SUSD6: variants seen among roughly 807,000 people sequenced by gnomAD.
SUSD6 encodes the protein sushi domain containing 6.
In SUSD6, 16 loss-of-function variants were observed where a neutral mutation model predicts 28.4. That is an observed-to-expected ratio of 0.56 (90% CI 0.38 to 0.86). SUSD6 has a LOEUF of 0.86. Ranked by LOEUF, SUSD6 falls within the 40% of genes least tolerant of loss-of-function variation. The probability of loss-of-function intolerance (pLI) is 0.00; values close to 1 mark genes in which losing one functional copy is unlikely to be tolerated. For missense variants in SUSD6, 341 were observed against 384.2 expected, an observed-to-expected ratio of 0.89 and a Z score of 0.94; for synonymous variants, 147 against 159.6, an observed-to-expected ratio of 0.92 and a Z score of 0.59.
At chr14:69,665,557 A>G (rs1885728030) in intron 2 of SUSD6, among the ~76,000 whole-genome samples, 1 of 152,176 alleles carries the variant, frequency 6.6e-6, no homozygotes, top group Non-Finnish European at 1.5e-5. Context: ...CTGACTGACT[A>G]TAACTTTTTA....
At chr14:69,705,932 A>C (rs1886381109) in intron 4 of SUSD6, among the ~76,000 whole-genome samples, 1 of 152,170 alleles carries the variant, frequency 6.6e-6, no homozygotes, top group African/African-American at 2.4e-5. Context: ...GCAGTTCCTC[A>C]TTCCCTCTTG....
chr14:69,678,220 T>C (rs1393452465), intron 2 of SUSD6, among the ~76,000 whole-genome samples: 2 of 151,926 alleles, frequency 1.3e-5, no homozygotes, highest in African/African-American at 2.4e-5. Flanking sequence ...CTTTTTTCAC[T>C]CAAGATTTCT....
chr14:69,667,846 G>A lies in SUSD6; in HGVS notation c.121+9133G>A, dbSNP rs74060262. On this transcript the variant is annotated intron_variant, in intron 2 of 5. Transcript: ENST00000342745. ...GTTTTGCTCTTTGTTTTTGATTCTT[G>A]TTCTTTGTTCTTGATTCCATATGTG... 3.1e-3 allele frequency among the ~76,000 whole-genome samples: 467 copies of A among 152,130 alleles called. 3 individuals are homozygous for A. Among genetic ancestry groups the A allele is most frequent in the African/African-American group, 0.011 (449 of 41,498 alleles).
intron 2 of SUSD6, among the ~76,000 whole-genome samples, chr14:69,691,945 AGGAGAATTGCTTGAACCCGGGAGGC>A (rs934710272): frequency 6.6e-6 from 1 of 151,592 alleles, no homozygotes; most frequent in Non-Finnish European, 1.5e-5. Flanking sequence ...AGGCTGAGGC[AGGAGAATTGCTTGAACCCGGGAGGC>A]GGAGGTTGCA....
intron 2 of SUSD6, among the ~76,000 whole-genome samples, chr14:69,663,340 T>A (rs1039558903): frequency 6.6e-6 from 1 of 152,220 alleles, no homozygotes. Flanking sequence ...TAAAACAATT[T>A]TAGAATAGCA....
chr14:69,672,475 C>T (rs775811009), intron 2 of SUSD6, among the ~76,000 whole-genome samples: 9 of 152,182 alleles, frequency 5.9e-5, no homozygotes, highest in Non-Finnish European at 8.8e-5. Context: ...AGAAGAGCAG[C>T]TTTGGGGCAA....
chr14:69,690,037 A>G (rs1438335717), intron 2 of SUSD6, among the ~76,000 whole-genome samples: 3 of 152,272 alleles, frequency 2.0e-5, no homozygotes, highest in South Asian at 4.2e-4. Flanking sequence ...GATTAAAGGT[A>G]TTTTCTGTAC....
At chr14:69,617,447 C>G (rs1487103386) in intron 1 of SUSD6, 1 of 151,926 alleles carries the variant, frequency 6.6e-6, no homozygotes, top group Non-Finnish European at 1.5e-5. Context: ...AGAAAAGGTG[C>G]CACCAAAAAA....
chr14:69,641,846 C>T (rs1325023286), intron 1 of SUSD6, among the ~76,000 whole-genome samples: 1 of 152,064 alleles, frequency 6.6e-6, no homozygotes, highest in Non-Finnish European at 1.5e-5. Context: ...ATCAAGAGAT[C>T]CTCCTGCCTT....
chr14:69,709,223 T>G, intron 5 of SUSD6, 119 bp downstream of exon 5: 1 of 929,674 alleles, frequency 1.1e-6, no homozygotes, highest in Non-Finnish European at 1.6e-6. Flanking sequence ...AGATAGTACC[T>G]GGGGTATTTG....
At chr14:69,646,962 A>G (rs1368479458) in intron 1 of SUSD6, among the ~76,000 whole-genome samples, 1 of 152,250 alleles carries the variant, frequency 6.6e-6, no homozygotes, top group South Asian at 2.1e-4. Flanking sequence ...TGGCTTCCCA[A>G]AGTGCTCGGA....
At chr14:69,684,678 C>T (rs875424) in intron 2 of SUSD6, among the ~76,000 whole-genome samples, 72,231 of 152,166 alleles carry the variant, frequency 0.47, 20,085 homozygotes, top group East Asian at 0.69. Context: ...TCTGTAGCCC[C>T]GTGAATGAGC....
chr14:69,686,141 A>T (rs141465812), intron 2 of SUSD6, among the ~76,000 whole-genome samples: 1 of 152,390 alleles, frequency 6.6e-6, no homozygotes, highest in Non-Finnish European at 1.5e-5. Context: ...ATGTGCCAGA[A>T]GTAAGAAATC....
chr14:69,633,691 T>C (rs1334638225), intron 1 of SUSD6, among the ~76,000 whole-genome samples: 2 of 152,258 alleles, frequency 1.3e-5, no homozygotes, highest in Admixed American at 1.3e-4. Context: ...TGCACCCATG[T>C]AGAATACTGA....
chr14:69,619,494 C>T (rs1885004820), intron 1 of SUSD6, among the ~76,000 whole-genome samples: 1 of 151,996 alleles, frequency 6.6e-6, no homozygotes, highest in African/African-American at 2.4e-5. Flanking sequence ...GGTACGGTGG[C>T]TCACACCTGT....
chr14:69,703,225 C>G (rs1396184285), intron 2 of SUSD6, among the ~76,000 whole-genome samples, 170 bp from the exon 3 acceptor site: 1 of 152,190 alleles, frequency 6.6e-6, no homozygotes, highest in African/African-American at 2.4e-5. Context: ...TATACTTCCC[C>G]TCTGTCAGTG....
At chr14:69,676,872 T>C (rs1375208894) in intron 2 of SUSD6, among the ~76,000 whole-genome samples, 2 of 152,370 alleles carry the variant, frequency 1.3e-5, no homozygotes, top group African/African-American at 4.8e-5. Flanking sequence ...ATAGATTTCA[T>C]TTGTTCCTTT....
rs113901815 is a variant in SUSD6, at chr14:69,698,727, C to T, written c.122-4668C>T. 4.6e-3 allele frequency among the ~76,000 whole-genome samples: 704 copies of T among 152,250 alleles called. 5 individuals carry two copies. The highest frequency in any genetic ancestry group is 0.016 in the African/African-American group (680 of 41,552). ...TGGAAGTATCAGCTAGATCATTTTG[C>T]GTCTCATCTGCATTGTTACCAGGGT... On this transcript the variant is annotated intron_variant, in intron 2 of 5. Coordinates refer to ENST00000342745, the MANE Select transcript of SUSD6 (RefSeq NM_014734.4).
intron 2 of SUSD6, among the ~76,000 whole-genome samples, chr14:69,674,788 C>T (rs1401047025): frequency 6.6e-6 from 1 of 152,134 alleles, no homozygotes; most frequent in Non-Finnish European, 1.5e-5. Flanking sequence ...TTTTCAGCCT[C>T]TATCTGAAGG....
Sources: gnomAD v4.1 joint callset for allele counts (sites outside exome capture counted in the v4.1 genomes callset) on GRCh38, gnomAD v4.1.1 for gene constraint, MANE v1.5 for transcripts, NCBI Gene and HGNC (gene_info 2026-07-23, HGNC 2026-07-21) for gene names.